The following TNIK variants were observed in gnomAD, a reference collection of about 807,000 sequenced individuals.
TNIK encodes TRAF2 and NCK-interacting protein kinase.
In TNIK, 49 loss-of-function variants were observed where a neutral mutation model predicts 191.3. That is an observed-to-expected ratio of 0.26 (90% CI 0.20 to 0.32). The LOEUF is 0.32. Among genes scored for constraint, TNIK ranks in the 10% least tolerant of loss-of-function variants. The probability of loss-of-function intolerance (pLI) is 1.00; values close to 1 mark genes in which losing one functional copy is unlikely to be tolerated. For synonymous variants in TNIK, 594 were observed against 600.9 expected, an observed-to-expected ratio of 0.99 and a Z score of 0.17; for missense variants, 1,155 against 1,702.3, an observed-to-expected ratio of 0.68 and a Z score of 5.66.
chr3:171,364,865 G>A (rs1228125094), intron 2 of TNIK, among the ~76,000 whole-genome samples: 1 of 151,960 alleles, frequency 6.6e-6, no homozygotes, highest in Non-Finnish European at 1.5e-5. Context: ...CTAAGTAGAG[G>A]GAACTATGAC....
At chr3:171,090,199 A>G (rs1036136694) in intron 23 of TNIK, among the ~76,000 whole-genome samples, 1 of 152,154 alleles carries the variant, frequency 6.6e-6, no homozygotes, top group African/African-American at 2.4e-5. Context: ...AATGTGGAAG[A>G]AAGCAGAGAT....
chr3:171,455,924 A>C (rs1728749232), intron 1 of TNIK, among the ~76,000 whole-genome samples: 1 of 152,240 alleles, frequency 6.6e-6, no homozygotes, highest in Admixed American at 6.5e-5. Context: ...CGGTTTAGTA[A>C]AGAAGCAGAA....
intron 4 of TNIK, among the ~76,000 whole-genome samples, chr3:171,195,588 A>G (rs2108849674): frequency 6.9e-6 from 1 of 145,778 alleles, no homozygotes; most frequent in South Asian, 2.3e-4. Context: ...TCCAGGTCCT[A>G]AAAGATACCT....
chr3:171,081,237 A>G (rs1720630240), intron 27 of TNIK, among the ~76,000 whole-genome samples: 1 of 152,126 alleles, frequency 6.6e-6, no homozygotes, highest in Non-Finnish European at 1.5e-5. Flanking sequence ...AAAAGAGATG[A>G]AACTGAGCAT....
Position 171,202,213 on chromosome 3 carries a change from GT to G in TNIK, c.307-7579del, listed in dbSNP as rs149321737. 7.5e-5 allele frequency among the ~76,000 whole-genome samples: 11 copies of G among 146,870 alleles called. No homozygotes were observed. In the East Asian group the frequency reaches 7.9e-4, roughly 11 times the overall value. ...TGCAAAATTTTCTGCATATATATATGTTTTTTTTTTGGTAGGAGTAAGTCAC... is the reference window on the plus strand; with the variant it reads ...TGCAAAATTTTCTGCATATATATATGTTTTTTTTTGGTAGGAGTAAGTCAC... On this transcript the variant is annotated intron_variant, in intron 4 of 32. Coordinates refer to ENST00000436636, the MANE Select transcript of TNIK (RefSeq NM_015028.4).
chr3:171,158,797 T>G (rs1576996495), intron 11 of TNIK, among the ~76,000 whole-genome samples: 1 of 152,146 alleles, frequency 6.6e-6, no homozygotes, highest in Admixed American at 6.5e-5. Flanking sequence ...GGAGCTGAGG[T>G]AAGCTTTGAG....
At chr3:171,144,915 T>C (rs989561514) in intron 12 of TNIK, among the ~76,000 whole-genome samples, 29 of 152,196 alleles carry the variant, frequency 1.9e-4, no homozygotes, top group Admixed American at 1.2e-3. Flanking sequence ...CAGGTTCATC[T>C]ACGTTGCTGC....
At chr3:171,128,928 G>A in intron 15 of TNIK, 50 bp from the exon 16 acceptor site, 1 of 1,459,728 alleles carries the variant, frequency 6.9e-7, no homozygotes, top group Non-Finnish European at 9.0e-7. Flanking sequence ...ATGTATAGAA[G>A]TAGATCACCT....
chr3:171,423,844 A>G (rs1314022121), intron 1 of TNIK, among the ~76,000 whole-genome samples: 2 of 152,248 alleles, frequency 1.3e-5, no homozygotes, highest in African/African-American at 4.8e-5. Context: ...AAGATGGATT[A>G]AAGACTTAAA....
At chr3:171,289,004 G>A (rs16856124) in intron 2 of TNIK, among the ~76,000 whole-genome samples, 27,113 of 151,988 alleles carry the variant, frequency 0.18, 2,533 homozygotes, top group Non-Finnish European at 0.19. Flanking sequence ...CTGCAGGGAC[G>A]AATTGTTCAA....
At chr3:171,315,712 C>T (rs529542739) in intron 2 of TNIK, among the ~76,000 whole-genome samples, 26 of 152,044 alleles carry the variant, frequency 1.7e-4, no homozygotes, top group African/African-American at 5.3e-4. Flanking sequence ...CTTGACATTC[C>T]CTGGCTTACA....
At position 171,123,651 on chromosome 3, in the gene TNIK, G is replaced by T; in HGVS notation, c.2065C>A (p.Pro689Thr). The change falls in exon 18 of 33, where the codon CCT becomes ACT. Residue 689 changes from proline (P) to threonine (T), a missense_variant. By Grantham distance (38) the Pro-to-Thr change is conservative. Transcript: ENST00000436636. ...GGTCCCAGAGCACTACCATTCCCAG[G>T]AGAATTCTTTCTGGCTAATGCTGGG... is the stretch of plus-strand genomic sequence containing the variant. ...ISPALARKNS[P>T]GNGSALGPRL... The T allele has an allele frequency of 1.3e-6, 2 of 1,578,936 alleles. No individual in the cohort carries two copies. Among genetic ancestry groups the T allele is most frequent in the Non-Finnish European group, 1.7e-6 (2 of 1,160,298 alleles).
intron 3 of TNIK, 84 bp downstream of exon 3, chr3:171,228,081 A>C: frequency 6.9e-7 from 1 of 1,439,372 alleles, no homozygotes; most frequent in Non-Finnish European, 9.7e-7. Context: ...TTTTCTACTT[A>C]TGATGGGCCT....
rs542262596 is a variant in TNIK, at chr3:171,070,447, T to TGAGA, written c.3549+772_3549+775dup. The stretch of plus-strand genomic sequence containing the variant: ...CATAAAGAAGTAGACAGACATAAGC[T>TGAGA]GAGAGAGAGAGAGACAGAGAGAGAT... On this transcript the variant is annotated intron_variant, in intron 29 of 32. Transcript: ENST00000436636. 8.0e-3 allele frequency among the ~76,000 whole-genome samples: 1,206 copies of TGAGA among 150,852 alleles called. 25 individuals are homozygous for TGAGA. The highest frequency in any genetic ancestry group is 0.028 in the African/African-American group (1,152 of 41,080).
intron 4 of TNIK, among the ~76,000 whole-genome samples, chr3:171,202,750 G>C (rs189411206): frequency 3.3e-5 from 5 of 152,176 alleles, no homozygotes; most frequent in African/African-American, 7.2e-5. Context: ...ATCTGTGTTT[G>C]TATCTACGTA....
rs200816078 is a variant in TNIK, at chr3:171,429,945, AAGC to A, written c.57+30059_57+30061del. Among the ~76,000 whole-genome samples, 362 of 152,212 alleles carry A rather than the reference AAGC, an allele frequency of 2.4e-3. 4 individuals are homozygous for A. The highest frequency in any genetic ancestry group is 8.0e-3 in the African/African-American group (334 of 41,514). On this transcript the variant is annotated intron_variant, in intron 1 of 32. Coordinates refer to ENST00000436636, the MANE Select transcript of TNIK (RefSeq NM_015028.4). ...AGTGATTCTAAAAATGTGATCCTGA[AAGC>A]AGCAGCAGCAGCAGCATCATTTTGT...
chr3:171,229,608 C>CT, intron 2 of TNIK, among the ~76,000 whole-genome samples: 1 of 152,212 alleles, frequency 6.6e-6, no homozygotes, highest in Non-Finnish European at 1.5e-5. Context: ...TTTTCTACTA[C>CT]TTTTCTCCCT....
intron 18 of TNIK, among the ~76,000 whole-genome samples, chr3:171,122,763 T>G (rs1727932389): frequency 6.6e-6 from 1 of 152,218 alleles, no homozygotes; most frequent in Non-Finnish European, 1.5e-5. Flanking sequence ...TCACATCCTT[T>G]TTATAGCCTT....
chr3:171,225,641 A>G, intron 3 of TNIK: 1 of 456,230 alleles, frequency 2.2e-6, no homozygotes, highest in Non-Finnish European at 4.4e-6. Flanking sequence ...GACATTCCTT[A>G]AGCTGAAAAT....
Sources: gnomAD v4.1 joint callset for allele counts (sites outside exome capture counted in the v4.1 genomes callset) on GRCh38, gnomAD v4.1.1 for gene constraint, MANE v1.5 for transcripts, NCBI Gene and HGNC (gene_info 2026-07-23, HGNC 2026-07-21) for gene names.